CALN1: variants seen among roughly 807,000 people sequenced by gnomAD.
CALN1 encodes the protein calneuron 1.
In CALN1, 17 loss-of-function variants were observed where a neutral mutation model predicts 30.6. That is an observed-to-expected ratio of 0.56 (90% CI 0.38 to 0.83). CALN1 has a LOEUF of 0.83. CALN1 is among the 40% of genes least tolerant of loss of function. CALN1 has a pLI of 0.00. For synonymous variants in CALN1, 156 were observed against 131.4 expected, an observed-to-expected ratio of 1.19 and a Z score of -1.28; for missense variants, 291 against 354.9, an observed-to-expected ratio of 0.82 and a Z score of 1.45.
At chr7:72,317,025 G>A (rs999534198) in intron 2 of CALN1, among the ~76,000 whole-genome samples, 1 of 144,620 alleles carries the variant, frequency 6.9e-6, no homozygotes, top group African/African-American at 2.6e-5. Context: ...GGAAGGAAAG[G>A]AGAGGAGGAG....
chr7:72,360,814 C>T (rs565377184), intron 2 of CALN1, among the ~76,000 whole-genome samples: 3 of 151,704 alleles, frequency 2.0e-5, no homozygotes, highest in South Asian at 2.1e-4. Flanking sequence ...CTGCAACCTC[C>T]GCCTCCCGGA....
intron 5 of CALN1, among the ~76,000 whole-genome samples, chr7:72,008,756 A>G (rs1228183502): frequency 6.6e-6 from 1 of 151,360 alleles, no homozygotes; most frequent in Non-Finnish European, 1.5e-5. Context: ...CCCGGGTTCA[A>G]GTGATTCTCC....
chr7:72,346,666 C>T (rs1225369389), intron 2 of CALN1, among the ~76,000 whole-genome samples: 2 of 152,142 alleles, frequency 1.3e-5, no homozygotes, highest in African/African-American at 2.4e-5. Flanking sequence ...CAGGTGCCCA[C>T]CACCAAGCCC....
the CALN1 span, among the ~76,000 whole-genome samples, chr7:72,466,139 C>G: frequency 4.6e-5 from 7 of 152,124 alleles, no homozygotes; most frequent in Non-Finnish European, 7.4e-5. Context: ...GTCACAGTGC[C>G]CACTCCACCT....
intron 1 of CALN1, among the ~76,000 whole-genome samples, chr7:72,438,153 T>C (rs1808234899): frequency 6.6e-6 from 1 of 151,928 alleles, no homozygotes. Context: ...CGTTTTTCTT[T>C]TTATTTTTTG....
At chr7:72,501,418 GAAAGAGGAAGAAGAAGAAGAAA>G in the CALN1 span, among the ~76,000 whole-genome samples, 1 of 108,674 alleles carries the variant, frequency 9.2e-6, no homozygotes, top group Non-Finnish European at 1.9e-5. Flanking sequence ...AAGAGAAGAA[GAAAGAGGAAGAAGAAGAAGAAA>G]AAAGAGGAAG....
chr7:71,860,296 G>A (rs931215456), intron 5 of CALN1, among the ~76,000 whole-genome samples: 4 of 151,544 alleles, frequency 2.6e-5, no homozygotes, highest in Non-Finnish European at 4.4e-5. Context: ...GGGCTCAAGC[G>A]ATTCTCCTGC....
At chr7:72,126,747 T>C (rs1333492807) in intron 3 of CALN1, among the ~76,000 whole-genome samples, 2 of 143,756 alleles carry the variant, frequency 1.4e-5, no homozygotes, top group Admixed American at 1.4e-4. Flanking sequence ...CTTAGAATAA[T>C]GGTCTCCAGC....
At chr7:72,042,132 G>A (rs1289435865) in intron 4 of CALN1, among the ~76,000 whole-genome samples, 1 of 152,094 alleles carries the variant, frequency 6.6e-6, no homozygotes, top group African/African-American at 2.4e-5. Flanking sequence ...GGGACTGAAG[G>A]CTTTCAGATG....
the CALN1 span, among the ~76,000 whole-genome samples, chr7:72,483,436 C>G: frequency 9.1e-4 from 139 of 152,130 alleles, no homozygotes; most frequent in African/African-American, 3.0e-3. Flanking sequence ...AGGCACCCAC[C>G]ACCATGCCCA....
chr7:72,375,315 C>A, intron 2 of CALN1, among the ~76,000 whole-genome samples: 1 of 152,040 alleles, frequency 6.6e-6, no homozygotes, highest in East Asian at 1.9e-4. Context: ...GTAATTCCAG[C>A]ACTTTGGGAG....
chr7:72,406,603 G>T, intron 1 of CALN1, among the ~76,000 whole-genome samples: 1 of 146,966 alleles, frequency 6.8e-6, no homozygotes, highest in Admixed American at 7.0e-5. Context: ...CCCACATGAG[G>T]GTCCTTGTCA....
At chr7:72,133,143 C>A (rs549125889) in intron 3 of CALN1, among the ~76,000 whole-genome samples, 378 of 152,168 alleles carry the variant, frequency 2.5e-3, no homozygotes, top group Middle Eastern at 6.8e-3. Flanking sequence ...TGGAGACCAC[C>A]GAGTTCAAGC....
chr7:72,412,713 A>G (rs987520486), upstream of CALN1, among the ~76,000 whole-genome samples: 3 of 152,188 alleles, frequency 2.0e-5, no homozygotes, highest in African/African-American at 7.2e-5. Context: ...AAACTGGAAC[A>G]ATAAAAATGC....
intron 4 of CALN1, among the ~76,000 whole-genome samples, chr7:72,025,326 T>A (rs1020542453): frequency 4.7e-5 from 7 of 149,744 alleles, no homozygotes; most frequent in East Asian, 1.9e-4. Context: ...ATAATAATAA[T>A]AAAACAATAA....
intron 4 of CALN1, among the ~76,000 whole-genome samples, chr7:72,092,616 G>A (rs1183070974): frequency 2.7e-5 from 2 of 74,354 alleles, no homozygotes; most frequent in South Asian, 5.8e-4. Flanking sequence ...AATGAATATT[G>A]TATTCTAGTA....
At chr7:72,070,931 A>C (rs1804349228) in intron 4 of CALN1, among the ~76,000 whole-genome samples, 1 of 152,222 alleles carries the variant, frequency 6.6e-6, no homozygotes, top group Non-Finnish European at 1.5e-5. Context: ...GAGTTCACCC[A>C]GAAAGTCAAA....
intron 2 of CALN1, chr7:72,337,081 T>G: frequency 2.0e-6 from 2 of 985,802 alleles, no homozygotes; most frequent in South Asian, 9.4e-5. Context: ...CCGCGCGGGT[T>G]CAGCCCATGT....
chr7:72,086,172 A>G (rs886429490), intron 4 of CALN1, among the ~76,000 whole-genome samples: 10 of 152,230 alleles, frequency 6.6e-5, no homozygotes, highest in African/African-American at 2.2e-4. Flanking sequence ...TGGATCCACT[A>G]AAGAAAATGA....
Sources: allele counts gnomAD v4.1 joint callset (sites outside exome capture counted in the v4.1 genomes callset), GRCh38; gene constraint gnomAD v4.1.1; transcripts MANE v1.5; gene names NCBI Gene and HGNC (gene_info 2026-07-23, HGNC 2026-07-21).